Variants in SLC23A2 observed in about 807,000 individuals in gnomAD.
SLC23A2 encodes solute carrier family 23 member 2.
A neutral mutation model predicts 73.3 loss-of-function variants in SLC23A2; 36 were observed. The ratio of observed to expected loss-of-function variants is 0.49; its 90% confidence interval spans 0.38 to 0.65. The LOEUF (loss-of-function observed/expected upper bound fraction) is 0.65, where lower values mean the gene tolerates loss of function less well. Ranked by LOEUF, SLC23A2 falls within the 30% of genes least tolerant of loss-of-function variation. The pLI is 0.00. For missense variants in SLC23A2, 507 were observed against 841.6 expected (o/e 0.60, Z 4.92); for synonymous variants, 343 against 327.3 (o/e 1.05, Z -0.52).
chr20:4,870,504 G>A (rs1295993639), intron 11 of SLC23A2, among the ~76,000 whole-genome samples: 1 of 152,086 alleles, frequency 6.6e-6, no homozygotes, highest in Non-Finnish European at 1.5e-5. Context: ...TTGAACCTAG[G>A]AGGCGGAGGT....
At chr20:4,989,460 T>C (rs113785103) in intron 1 of SLC23A2, among the ~76,000 whole-genome samples, 1,526 of 152,220 alleles carry the variant, frequency 0.01, 9 homozygotes, top group Non-Finnish European at 0.015. Context: ...CATTTATGTT[T>C]CATATACGCC....
At position 4,899,406 on chromosome 20, in the gene SLC23A2, T is replaced by C; in HGVS notation, c.482+149A>G. The C allele has an allele frequency of 1.2e-6, 1 of 821,842 alleles. No individual in the cohort carries two copies. The allele number at this position is 821,842 out of a possible 1,614,324, so 50.9% of individuals were successfully genotyped here. ...GAGAGGAAATGACTGGGAGGAACACTGAGGGGTGGGGACCAACGGCCACTA... is the reference window on the plus strand; with the variant it reads ...GAGAGGAAATGACTGGGAGGAACACCGAGGGGTGGGGACCAACGGCCACTA... On this transcript the variant is annotated intron_variant, in intron 6 of 16. Transcript: ENST00000338244. The surrounding 1 kb of genome is among the most constrained non-coding windows in gnomAD (Gnocchi z 4.9).
At chr20:4,954,678 G>A in intron 2 of SLC23A2, among the ~76,000 whole-genome samples, 1 of 122,142 alleles carries the variant, frequency 8.2e-6, no homozygotes, top group Admixed American at 1.0e-4. Flanking sequence ...CAGCCTGGGT[G>A]ACAGAGCAAG....
At chr20:4,957,521 T>A (rs994941527) in intron 2 of SLC23A2, among the ~76,000 whole-genome samples, 8 of 149,868 alleles carry the variant, frequency 5.3e-5, no homozygotes, top group Non-Finnish European at 1.0e-4. Context: ...GGATAGATTA[T>A]GTGAGGAAAA....
At chr20:4,944,908 C>T (rs185854015) in intron 2 of SLC23A2, among the ~76,000 whole-genome samples, 5 of 151,206 alleles carry the variant, frequency 3.3e-5, no homozygotes, top group Non-Finnish European at 7.4e-5. Flanking sequence ...GACCTAAATG[C>T]TTTTAATTCA....
At chr20:4,885,357 G>A (rs945747486) in intron 7 of SLC23A2, among the ~76,000 whole-genome samples, 3 of 152,092 alleles carry the variant, frequency 2.0e-5, no homozygotes, top group South Asian at 2.1e-4. Flanking sequence ...TGACCTTATC[G>A]GGTTCCTTAA....
At position 4,979,772 on chromosome 20, in the gene SLC23A2, T is replaced by C. The variant is rs539623982; in HGVS notation, c.-281-8853A>G. ...AAGAAAAATGTTTCCTATGAAACTT[T>C]AGAGTTTGAAAAATGAGACTTCTAA... On this transcript the variant is annotated intron_variant, in intron 1 of 16. Transcript: ENST00000338244. 1.5e-3 allele frequency among the ~76,000 whole-genome samples: 221 copies of C among 152,286 alleles called. 1 individual carries two copies. The highest frequency in any genetic ancestry group is 2.9e-3 in the Non-Finnish European group (194 of 68,026).
intron 2 of SLC23A2, among the ~76,000 whole-genome samples, chr20:4,934,293 A>G (rs2086925533): frequency 6.6e-6 from 1 of 152,198 alleles, no homozygotes; most frequent in Admixed American, 6.5e-5. Flanking sequence ...GGGGAGAGCT[A>G]TTAACATCTA....
chr20:4,913,511 A>G (rs1433185792), intron 3 of SLC23A2, among the ~76,000 whole-genome samples: 1 of 152,250 alleles, frequency 6.6e-6, no homozygotes, highest in Non-Finnish European at 1.5e-5. Context: ...ACTTCTAGGA[A>G]TCTATACTGG....
At chr20:4,869,377 T>C (rs1930341051) in intron 12 of SLC23A2, among the ~76,000 whole-genome samples, 1 of 151,178 alleles carries the variant, frequency 6.6e-6, no homozygotes, top group African/African-American at 2.4e-5. Context: ...AGAGCTTGTT[T>C]TGCTGGGAAG....
chr20:4,858,127 C>T (rs949104408), intron 16 of SLC23A2, among the ~76,000 whole-genome samples: 5 of 152,218 alleles, frequency 3.3e-5, no homozygotes, highest in African/African-American at 1.2e-4. Flanking sequence ...GACAGACCCA[C>T]ACTTCATGCT....
intron 2 of SLC23A2, among the ~76,000 whole-genome samples, chr20:4,938,197 T>C (rs551561634): frequency 7.2e-5 from 11 of 151,876 alleles, no homozygotes; most frequent in Non-Finnish European, 1.3e-4. Context: ...CTGGCTAGTT[T>C]TTGTAGAGAT....
At chr20:4,931,065 T>TAATA (rs1276605692) in intron 3 of SLC23A2, among the ~76,000 whole-genome samples, 3 of 92,796 alleles carry the variant, frequency 3.2e-5, no homozygotes, top group Non-Finnish European at 4.5e-5. Flanking sequence ...GTTATTTTTT[T>TAATA]AAGAAAAAAA....
intron 6 of SLC23A2, among the ~76,000 whole-genome samples, chr20:4,893,242 A>G (rs890890958): frequency 1.3e-5 from 2 of 151,654 alleles, no homozygotes; most frequent in Non-Finnish European, 2.9e-5. Flanking sequence ...TATTTTTATT[A>G]TTTGTAGAGA....
chr20:4,974,393 A>C (rs2087611459), intron 1 of SLC23A2, among the ~76,000 whole-genome samples: 1 of 152,134 alleles, frequency 6.6e-6, no homozygotes, highest in Non-Finnish European at 1.5e-5. Context: ...GCTTGAACCC[A>C]GGAGGCGGAG....
chr20:4,924,666 C>T (rs189593842), intron 3 of SLC23A2, among the ~76,000 whole-genome samples: 190 of 152,332 alleles, frequency 1.2e-3, no homozygotes, highest in African/African-American at 4.2e-3. Context: ...CAACACCAGG[C>T]ACCCCCCTGC....
At chr20:4,989,395 C>CAT (rs985868089) in intron 1 of SLC23A2, among the ~76,000 whole-genome samples, 9 of 151,736 alleles carry the variant, frequency 5.9e-5, no homozygotes, top group African/African-American at 1.9e-4. Flanking sequence ...GGAATATTTG[C>CAT]ATATATATAT....
intron 2 of SLC23A2, among the ~76,000 whole-genome samples, chr20:4,941,704 G>C (rs77772881): frequency 7.0e-6 from 1 of 143,716 alleles, no homozygotes; most frequent in East Asian, 2.0e-4. Flanking sequence ...TCTGTCTCGA[G>C]GAAAAAAAAA....
intron 1 of SLC23A2, among the ~76,000 whole-genome samples, chr20:4,995,592 T>C (rs2088006041): frequency 6.6e-6 from 1 of 152,150 alleles, no homozygotes; most frequent in Admixed American, 6.6e-5. Context: ...TCCCTCGATC[T>C]GGAATGTCAT....
Sources: allele counts gnomAD v4.1 joint callset (sites outside exome capture counted in the v4.1 genomes callset), GRCh38; gene constraint gnomAD v4.1.1; non-coding constraint Gnocchi (gnomAD v3.1); transcripts MANE v1.5; gene names NCBI Gene and HGNC (gene_info 2026-07-23, HGNC 2026-07-21).